The following RASGRP4 variants were observed in gnomAD, a reference collection of about 807,000 sequenced individuals.
RASGRP4 encodes the protein RAS guanyl-releasing protein 4.
Under a neutral mutation model 84.4 loss-of-function variants are expected in RASGRP4, and 52 were observed. That is an observed-to-expected ratio of 0.62 (90% CI 0.49 to 0.78). The LOEUF (loss-of-function observed/expected upper bound fraction) is 0.78. Among genes scored for constraint, RASGRP4 ranks in the 30% least tolerant of loss-of-function variants. RASGRP4 has a pLI of 0.00. For missense variants in RASGRP4, 760 were observed against 886.9 expected (o/e 0.86, Z 1.82); for synonymous variants, 356 against 359.1 (o/e 0.99, Z 0.10).
In RASGRP4 at chr19:38,413,562, C is replaced by T. The variant is rs1971371881; in HGVS notation, c.1231-88G>A. On this transcript the variant is annotated intron_variant, in intron 9 of 16. Coordinates refer to ENST00000615439, the MANE Select transcript of RASGRP4 (RefSeq NM_170604.3). This position sits in a 1 kb window ranked among gnomAD's most constrained non-coding sequence, Gnocchi z 4.7. ...CACTCGCAGGCTCTTCCCAAAGCCC[C>T]TCCTGGGTTCAAATCCTGGCATTAC... 1.8e-6 allele frequency: 2 copies of T among 1,124,860 alleles called. No individual in the cohort carries two copies. The highest frequency in any genetic ancestry group is 2.6e-6 in the Non-Finnish European group (2 of 766,648). The allele number at this position is 1,124,860 out of a possible 1,614,324, so 69.7% of individuals were successfully genotyped here. A position where few individuals can be genotyped will look rare whatever the true frequency, so the allele number is the denominator to read the frequency against.
In RASGRP4 at chr19:38,413,509, C is replaced by G. The variant is rs746003576; in HGVS notation, c.1231-35G>C. 1.3e-6 allele frequency: 2 copies of G among 1,540,608 alleles called. No individual in the cohort carries two copies. The highest frequency in any genetic ancestry group is 2.4e-5 in the South Asian group (2 of 84,600). ...ACAGGGGTGTTACGGATCCTCCCAT[C>G]TATAGCCCTGCCCCAGACCCCCACA... On this transcript the variant is annotated intron_variant, in intron 9 of 16. Transcript: ENST00000615439. The surrounding 1 kb of genome is among the most constrained non-coding windows in gnomAD (Gnocchi z 4.7).
In RASGRP4 at chr19:38,412,829, A is replaced by C. The variant is rs751366970; in HGVS notation, c.1536-13T>G. On this transcript the variant is annotated splice_polypyrimidine_tract_variant and intron_variant, in intron 12 of 16. Transcript: ENST00000615439. This position sits in a 1 kb window ranked among gnomAD's most constrained non-coding sequence, Gnocchi z 4.6. Reference sequence around the variant, plus strand: ...GAAGGATCCTCTCCTGGGGGCAGAAACTGAGCCTCAGCATGACCTGCCCCA... The same window carrying C: ...GAAGGATCCTCTCCTGGGGGCAGAACCTGAGCCTCAGCATGACCTGCCCCA... The C allele has an allele frequency of 1.2e-6, 2 of 1,609,966 alleles. No homozygotes were observed. Among genetic ancestry groups the C allele is most frequent in the African/African-American group, 2.7e-5 (2 of 74,848 alleles).
Position 38,412,912 on chromosome 19 carries a change from A to T in RASGRP4, c.1535+19T>A, listed in dbSNP as rs1172351455. Reference sequence around the variant, plus strand: ...CAGTGTCCTCATCTTCGGAGGATCCAGGAGTCACAACCACTTACCCCTGGC... The same window carrying T: ...CAGTGTCCTCATCTTCGGAGGATCCTGGAGTCACAACCACTTACCCCTGGC... On this transcript the variant is annotated intron_variant, in intron 12 of 16. Transcript: ENST00000615439. This position sits in a 1 kb window ranked among gnomAD's most constrained non-coding sequence, Gnocchi z 4.6. The T allele has an allele frequency of 1.2e-6, 2 of 1,613,658 alleles. No individual in the cohort carries two copies. The highest frequency in any genetic ancestry group is 1.7e-4 in the Middle Eastern group (1 of 6,058).
Position 38,409,950 on chromosome 19 carries a change from C to T in RASGRP4, c.*90G>A. The T allele has an allele frequency of 9.9e-7, 1 of 1,013,170 alleles. No homozygotes were observed. Among genetic ancestry groups the T allele is most frequent in the Admixed American group, 2.3e-5 (1 of 42,876 alleles). 62.8% of individuals were successfully genotyped at this position (1,013,170 alleles called of 1,614,324 possible). On this transcript the variant is annotated 3_prime_UTR_variant, in exon 17 of 17. Coordinates refer to ENST00000615439, the MANE Select transcript of RASGRP4 (RefSeq NM_170604.3). ...ATGGGAAGGCGGATGCCTCTGGAGG[C>T]CTACCTCTGGGAGCCCTGCCAGAGT... is the stretch of plus-strand genomic sequence containing the variant.
rs1387286074 is a variant in RASGRP4 at position 38,413,411 on chromosome 19, G to A, written c.1294C>T (p.Arg432Cys). ...IYELSYAREP[R>C]CPKSLPPSPF... is the part of the protein sequence containing the mutation. ...GGTCTCACCAGGCTCTTGGGACAACGCGGCTCCCGGGCATAAGAAAGCTCA... is the reference window on the plus strand; with the variant it reads ...GGTCTCACCAGGCTCTTGGGACAACACGGCTCCCGGGCATAAGAAAGCTCA... Residue 432 changes from arginine to cysteine, a missense_variant, in exon 10 of 17, where the codon CGT becomes TGT. Coordinates refer to ENST00000615439, the MANE Select transcript of RASGRP4 (RefSeq NM_170604.3). The surrounding 1 kb of genome is among the most constrained non-coding windows in gnomAD (Gnocchi z 4.7). The A allele has an allele frequency of 3.7e-6, 6 of 1,608,612 alleles. No homozygotes were observed. The African/African-American group carries it at 4.0e-5, about 11-fold the overall frequency.
At position 38,410,145 on chromosome 19, in the gene RASGRP4, T is replaced by C. The variant is rs1213223574; in HGVS notation, c.1966-49A>G. On this transcript the variant is annotated intron_variant, in intron 16 of 16. Transcript: ENST00000615439. ...AAGATGACAGATGATGTGGGGAGCATATGATGTCTAGGAGACGCTTCACTG... is the reference window on the plus strand; with the variant it reads ...AAGATGACAGATGATGTGGGGAGCACATGATGTCTAGGAGACGCTTCACTG... The C allele has an allele frequency of 2.0e-6, 3 of 1,492,652 alleles. No homozygotes were observed. In the South Asian group the frequency reaches 3.5e-5, roughly 17 times the overall value. The allele number at this position is 1,492,652 out of a possible 1,614,324, so 92.5% of individuals were successfully genotyped here.
rs746693721 is a variant in RASGRP4, at chr19:38,415,022, G to A, written c.1056C>T (p.Gly352=). ...GGGACACCAGGTCCTTGAGGTGCAC[G>A]CCCAGTACAGGCAGCCGGAAACCCG... ...GCAGFRLPVL[G]VHLKDLVSLH... The change falls in exon 9 of 17, where the codon GGC becomes GGT. Residue 352 remains glycine, a synonymous_variant. Transcript: ENST00000615439. 9.9e-6 allele frequency: 16 copies of A among 1,611,042 alleles called. No individual in the cohort carries two copies. Among genetic ancestry groups the A allele is most frequent in the African/African-American group, 5.3e-5 (4 of 74,890 alleles).
intron 1 of RASGRP4, 133 bp from the exon 2 acceptor site, chr19:38,422,286 C>T: frequency 1.4e-6 from 1 of 734,608 alleles, no homozygotes; most frequent in Non-Finnish European, 2.2e-6. Flanking sequence ...TTACCCCTGA[C>T]CTACCAGGGA....
Position 38,420,146 on chromosome 19 carries a change from C to A in RASGRP4, c.494G>T (p.Gly165Val). 6.2e-7 allele frequency: 1 copy of A among 1,613,314 alleles called. No individual in the cohort carries two copies. The highest frequency in any genetic ancestry group is 2.2e-5 in the East Asian group (1 of 44,878). Residue 165 changes from glycine to valine, a missense_variant, in exon 5 of 17, where the codon GGA becomes GTA. By Grantham distance (109) the Gly-to-Val change is moderately radical. Coordinates refer to ENST00000615439, the MANE Select transcript of RASGRP4 (RefSeq NM_170604.3). ...REGNSAQRRL[G>V]DSSDLLSPGG... ...GCTGACTCACAGGTCAGAAGAGTCT[C>A]CCAGTCTTCTCTGGGCTGAGTTGCC...
Position 38,412,534 on chromosome 19 carries a change from T to C in RASGRP4, c.1680+138A>G. Reference sequence around the variant, plus strand: ...GAGATTATCCAGGATATAGGGAATGTCTGGTGTTTAGGGTTTATATGAAAC... The same window carrying C: ...GAGATTATCCAGGATATAGGGAATGCCTGGTGTTTAGGGTTTATATGAAAC... On this transcript the variant is annotated intron_variant, in intron 13 of 16. Transcript: ENST00000615439. This position sits in a 1 kb window ranked among gnomAD's most constrained non-coding sequence, Gnocchi z 4.6. 1 of 773,430 alleles carries C rather than the reference T, an allele frequency of 1.3e-6. No homozygotes were observed. The highest frequency in any genetic ancestry group is 2.0e-6 in the Non-Finnish European group (1 of 492,270). 47.9% of individuals were successfully genotyped at this position (773,430 alleles called of 1,614,324 possible).
chr19:38,413,126 A>G lies in RASGRP4; in HGVS notation c.1416+67T>C. ...CCCATGGCCATAAGTCCCCACCTCCAGGCTCAGGGTTCTACAGATGTCTTC... is the reference window on the plus strand; with the variant it reads ...CCCATGGCCATAAGTCCCCACCTCCGGGCTCAGGGTTCTACAGATGTCTTC... On this transcript the variant is annotated intron_variant, in intron 11 of 16. Transcript: ENST00000615439. The surrounding 1 kb of genome is among the most constrained non-coding windows in gnomAD (Gnocchi z 4.7). 1 of 1,578,612 alleles carries G rather than the reference A, an allele frequency of 6.3e-7. No homozygotes were observed. Among genetic ancestry groups the G allele is most frequent in the South Asian group, 1.1e-5 (1 of 90,280 alleles).
chr19:38,425,754 C>T (rs899915989), intron 1 of RASGRP4, among the ~76,000 whole-genome samples: 11 of 152,118 alleles, frequency 7.2e-5, no homozygotes, highest in East Asian at 3.8e-4. Context: ...TTCCAGTCCA[C>T]GGGGATGGGG....
rs1005291197 is a variant in RASGRP4 at position 38,421,256 on chromosome 19, G to T, written c.209-56C>A. The T allele has an allele frequency of 4.7e-6, 6 of 1,275,402 alleles. No individual in the cohort carries two copies. The East Asian group carries it at 1.2e-4, about 25-fold the overall frequency. 79.0% of individuals were successfully genotyped at this position (1,275,402 alleles called of 1,614,324 possible). On this transcript the variant is annotated intron_variant, in intron 2 of 16. Transcript: ENST00000615439. ...GAATGGCCCTCAAGCAATGCAGAGC[G>T]TAGCTCCAGATCCTGCCGGACCACC...
In RASGRP4 at chr19:38,420,018, G is replaced by A. The variant is rs1274663300; in HGVS notation, c.510-5C>T. 35 of 1,613,340 alleles carry A rather than the reference G, an allele frequency of 2.2e-5. No individual in the cohort carries two copies. The highest frequency in any genetic ancestry group is 3.0e-5 in the Non-Finnish European group (35 of 1,179,428). ...CCAGGGCCACCAGGGCTCAGGCTGG[G>A]GGCCAAGAGGGGCAGGGTATTGGAG... On this transcript the variant is annotated splice_polypyrimidine_tract_variant and splice_region_variant and intron_variant, in intron 5 of 16. Coordinates refer to ENST00000615439, the MANE Select transcript of RASGRP4 (RefSeq NM_170604.3).
chr19:38,413,111 T>C lies in RASGRP4; in HGVS notation c.1417-62A>G. ...TGTCGAAATATGATCCCCATGGCCATAAGTCCCCACCTCCAGGCTCAGGGT... is the reference window on the plus strand; with the variant it reads ...TGTCGAAATATGATCCCCATGGCCACAAGTCCCCACCTCCAGGCTCAGGGT... On this transcript the variant is annotated intron_variant, in intron 11 of 16. Coordinates refer to ENST00000615439, the MANE Select transcript of RASGRP4 (RefSeq NM_170604.3). The surrounding 1 kb of genome is among the most constrained non-coding windows in gnomAD (Gnocchi z 4.7). 6.4e-7 allele frequency: 1 copy of C among 1,572,726 alleles called. No homozygotes were observed. Among genetic ancestry groups the C allele is most frequent in the Non-Finnish European group, 8.8e-7 (1 of 1,142,652 alleles).
In RASGRP4 at chr19:38,414,878, G is replaced by A. The variant is rs779453932; in HGVS notation, c.1200C>T (p.Ser400=). Reference sequence around the variant, plus strand: ...GCAGGTGCAGCAGATCCTCATTGGCGCTGCAGGGTGGATGCTGCCCTTGGA... The same window carrying A: ...GCAGGTGCAGCAGATCCTCATTGGCACTGCAGGGTGGATGCTGCCCTTGGA... ...VALQGQHPPC[S]ANEDLLHLLT... Residue 400 remains serine, a synonymous_variant, in exon 9 of 17, where the codon AGC becomes AGT. Transcript: ENST00000615439. The A allele has an allele frequency of 6.9e-6, 11 of 1,601,550 alleles. No individual in the cohort carries two copies. The Admixed American group carries it at 6.9e-5, about 10-fold the overall frequency.
Position 38,411,157 on chromosome 19 carries a change from CG to C in RASGRP4, c.1809del (p.Gly604GlufsTer57). The C allele has an allele frequency of 6.2e-7, 1 of 1,613,822 alleles. No individual in the cohort carries two copies. The stretch of plus-strand genomic sequence containing the variant: ...GCTGGTGTGGATGGGACAGGAGCTC[CG>C]GGGGGTCCTGCATCGCCCTTGGCCC... ...RPGAKGDAGPPGAPVPSTPAP... is the reference protein window; with the variant it reads ...RPGAKGDAGPXGAPVPSTPAP... On this transcript the variant is annotated frameshift_variant, in exon 15 of 17. Coordinates refer to ENST00000615439, the MANE Select transcript of RASGRP4 (RefSeq NM_170604.3). LOFTEE classifies it high-confidence loss of function.
intron 1 of RASGRP4, among the ~76,000 whole-genome samples, chr19:38,423,497 A>G (rs137871235): frequency 1.8e-4 from 26 of 144,544 alleles, no homozygotes; most frequent in African/African-American, 5.9e-4. Context: ...CTGTGCTCCA[A>G]CCTGGGTGAC....
Position 38,413,098 on chromosome 19 carries a change from A to G in RASGRP4, c.1417-49T>C. 6.3e-7 allele frequency: 1 copy of G among 1,578,150 alleles called. No individual in the cohort carries two copies. Among genetic ancestry groups the G allele is most frequent in the East Asian group, 2.2e-5 (1 of 44,728 alleles). On this transcript the variant is annotated intron_variant, in intron 11 of 16. Transcript: ENST00000615439. The surrounding 1 kb of genome is among the most constrained non-coding windows in gnomAD (Gnocchi z 4.7). ...GATAAGGCCCAGTTGTCGAAATATG[A>G]TCCCCATGGCCATAAGTCCCCACCT... is the stretch of plus-strand genomic sequence containing the variant.
Sources: gnomAD v4.1 joint callset for allele counts (sites outside exome capture counted in the v4.1 genomes callset) on GRCh38, gnomAD v4.1.1 for gene constraint, Gnocchi (gnomAD v3.1) non-coding constraint, MANE v1.5 for transcripts, NCBI Gene and HGNC (gene_info 2026-07-23, HGNC 2026-07-21) for gene names.